Variants in CDH18 observed in about 807,000 individuals in gnomAD.
CDH18 encodes the protein cadherin 18, also known as cadherin-18.
CDH18 carries 31 observed loss-of-function variants against 67.9 expected under a neutral mutation model. The ratio of observed to expected loss-of-function variants is 0.46; its 90% CI spans 0.34 to 0.62. The LOEUF (loss-of-function observed/expected upper bound fraction) is 0.62. Ranked by LOEUF, CDH18 falls within the 20% of genes least tolerant of loss-of-function variation. The pLI is 0.01. For synonymous variants in CDH18, 362 were observed against 347.2 expected (o/e 1.04, Z -0.48); for missense variants, 890 against 975.5 (o/e 0.91, Z 1.17).
chr5:20,557,096 T>C (rs562917598), intron 1 of CDH18, among the ~76,000 whole-genome samples: 1 of 152,286 alleles, frequency 6.6e-6, no homozygotes, highest in East Asian at 1.9e-4. Context: ...CTTACTAGTA[T>C]GTATGTTCAT....
chr5:20,262,674 G>T (rs1350415242), intron 1 of CDH18, among the ~76,000 whole-genome samples: 1 of 152,034 alleles, frequency 6.6e-6, no homozygotes, highest in Non-Finnish European at 1.5e-5. Flanking sequence ...ATGCTAAAAA[G>T]AAATGCTGGT....
rs115348115 is a variant in CDH18, at chr5:20,487,586, G to A, written c.-580+87876C>T. Among the ~76,000 whole-genome samples, 809 of 150,684 alleles carry A rather than the reference G, an allele frequency of 5.4e-3. 10 individuals carry two copies. The highest frequency in any genetic ancestry group is 0.019 in the African/African-American group (773 of 41,164). On this transcript the variant is annotated intron_variant, in intron 1 of 14. Coordinates refer to the CDH18 transcript ENST00000507958. ...TAAAATATCAAATTTCCACATTTGG[G>A]GGTTTGCTATATCTTAAATATCACT...
At chr5:20,013,312 G>T (rs1431798886) in intron 2 of CDH18, among the ~76,000 whole-genome samples, 1 of 152,008 alleles carries the variant, frequency 6.6e-6, no homozygotes, top group Non-Finnish European at 1.5e-5. Flanking sequence ...AAGAGAATGA[G>T]AGTTAACTCT....
At chr5:19,616,510 G>C (rs1260770673) in intron 5 of CDH18, among the ~76,000 whole-genome samples, 2 of 152,176 alleles carry the variant, frequency 1.3e-5, no homozygotes, top group African/African-American at 4.8e-5. Flanking sequence ...ATTTTAAACA[G>C]TGTGGCAGTT....
intron 2 of CDH18, among the ~76,000 whole-genome samples, chr5:20,223,270 C>T (rs530210288): frequency 2.0e-5 from 3 of 152,234 alleles, no homozygotes; most frequent in South Asian, 2.1e-4. Context: ...TAAGATTTGA[C>T]GGCCCTACTT....
At chr5:19,912,302 G>T (rs1791239839) in intron 2 of CDH18, among the ~76,000 whole-genome samples, 1 of 152,100 alleles carries the variant, frequency 6.6e-6, no homozygotes, top group Admixed American at 6.6e-5. Context: ...TTTCCTTAAA[G>T]AAGATAAATG....
intron 1 of CDH18, among the ~76,000 whole-genome samples, chr5:20,396,318 A>G (rs546061181): frequency 6.6e-6 from 1 of 151,864 alleles, no homozygotes; most frequent in Non-Finnish European, 1.5e-5. Flanking sequence ...ATAACCCCAC[A>G]CATCTAGTGT....
At chr5:19,521,957 C>T (rs761758374) in intron 9 of CDH18, among the ~76,000 whole-genome samples, 2 of 152,002 alleles carry the variant, frequency 1.3e-5, no homozygotes, top group Non-Finnish European at 2.9e-5. Context: ...ATACTAGACA[C>T]TACCACTCAC....
At chr5:20,444,963 T>C (rs1423886626) in intron 1 of CDH18, among the ~76,000 whole-genome samples, 3 of 152,194 alleles carry the variant, frequency 2.0e-5, no homozygotes, top group South Asian at 2.1e-4. Flanking sequence ...TTATCATTTA[T>C]ATATAATAAT....
intron 2 of CDH18, among the ~76,000 whole-genome samples, chr5:20,197,642 G>A (rs549665910): frequency 6.6e-6 from 1 of 152,168 alleles, no homozygotes; most frequent in African/African-American, 2.4e-5. Flanking sequence ...TGCTGTTGCA[G>A]AGTCCTGAAA....
At chr5:19,701,897 C>T (rs928056146) in intron 5 of CDH18, among the ~76,000 whole-genome samples, 1 of 152,120 alleles carries the variant, frequency 6.6e-6, no homozygotes, top group South Asian at 2.1e-4. Context: ...ACTAAAATTT[C>T]TATACATCTA....
At chr5:19,476,863 C>T (rs1053483198) in intron 12 of CDH18, among the ~76,000 whole-genome samples, 2 of 151,864 alleles carry the variant, frequency 1.3e-5, no homozygotes, top group Non-Finnish European at 2.9e-5. Context: ...ATTTTTCAAT[C>T]TTTGCATATG....
chr5:20,103,434 A>G (rs1192080705), intron 2 of CDH18, among the ~76,000 whole-genome samples: 2 of 152,096 alleles, frequency 1.3e-5, no homozygotes, highest in Non-Finnish European at 2.9e-5. Context: ...TGAGATATAT[A>G]CATAAAAATA....
chr5:19,953,635 T>G (rs1436024698), intron 2 of CDH18, among the ~76,000 whole-genome samples: 2 of 151,922 alleles, frequency 1.3e-5, no homozygotes, highest in Non-Finnish European at 2.9e-5. Flanking sequence ...ATAAATCCAT[T>G]TTGTGGTGTA....
chr5:19,847,803 T>C (rs991519545), intron 2 of CDH18, among the ~76,000 whole-genome samples: 3 of 152,074 alleles, frequency 2.0e-5, no homozygotes, highest in African/African-American at 7.2e-5. Context: ...TTGACTTATG[T>C]GTGTATATTC....
intron 2 of CDH18, among the ~76,000 whole-genome samples, chr5:19,998,511 T>C (rs1370209856): frequency 1.3e-5 from 2 of 152,142 alleles, no homozygotes; most frequent in South Asian, 2.1e-4. Context: ...CCATTAGATA[T>C]CAACAAATTA....
intron 1 of CDH18, among the ~76,000 whole-genome samples, chr5:20,545,066 CCAGA>C (rs1232650745): frequency 1.3e-5 from 2 of 152,194 alleles, no homozygotes; most frequent in Non-Finnish European, 2.9e-5. Flanking sequence ...TGAAACCTGG[CCAGA>C]CAGTCATTAA....
At chr5:20,526,883 A>C (rs771134430) in intron 1 of CDH18, among the ~76,000 whole-genome samples, 3 of 152,082 alleles carry the variant, frequency 2.0e-5, no homozygotes, top group Admixed American at 2.0e-4. Context: ...AAATGATTGC[A>C]ACACCTCTCC....
At chr5:19,485,492 C>T (rs1443727642) in intron 11 of CDH18, among the ~76,000 whole-genome samples, 14 of 151,990 alleles carry the variant, frequency 9.2e-5, no homozygotes, top group African/African-American at 2.4e-4. Context: ...CCTGACCTCA[C>T]GATCCACCCG....
Sources: gnomAD v4.1 joint callset for allele counts (sites outside exome capture counted in the v4.1 genomes callset) on GRCh38, gnomAD v4.1.1 for gene constraint, MANE v1.5 for transcripts, NCBI Gene and HGNC (gene_info 2026-07-23, HGNC 2026-07-21) for gene names.